The following CACNB2 variants were observed in gnomAD, a reference collection of about 807,000 sequenced individuals.
CACNB2 encodes calcium voltage-gated channel auxiliary subunit beta 2, also known as voltage-dependent L-type calcium channel subunit beta-2.
A neutral mutation model predicts 73.3 loss-of-function variants in CACNB2; 42 were observed. The observed-to-expected ratio is 0.57, with a 90% confidence interval of 0.45 to 0.74. The LOEUF (loss-of-function observed/expected upper bound fraction) is 0.74. CACNB2 is among the 30% of genes least tolerant of loss of function. The pLI is 0.00. For missense variants in CACNB2, 940 were observed against 853.0 expected (o/e 1.10, Z -1.27); for synonymous variants, 348 against 310.3 (o/e 1.12, Z -1.28).
Position 18,506,529 on chromosome 10 carries a change from T to A in CACNB2, c.652T>A (p.Ser218Thr), listed in dbSNP as rs774211226. Residue 218 changes from serine to threonine, a missense_variant, in exon 6 of 14, where the codon TCA (serine) becomes ACA (threonine). Coordinates refer to ENST00000324631, the MANE Select transcript of CACNB2 (RefSeq NM_201596.3). ...LGDIVPSSRK[S>T]TPPSSAIDID... is the part of the protein sequence containing the mutation. ...TGACATAGTACCTAGTTCCAGAAAA[T>A]CAACACCTCCATCATCTGGTAAGTA... The A allele has an allele frequency of 5.0e-6, 8 of 1,603,972 alleles. No individual in the cohort carries two copies. The South Asian group carries it at 8.8e-5, about 18-fold the overall frequency.
Position 18,307,983 on chromosome 10 carries a change from CTTTTTTT to C in CACNB2, c.214-93920_214-93914del, listed in dbSNP as rs869311555. On this transcript the variant is annotated intron_variant, in intron 2 of 13. Transcript: ENST00000324631. ...TTAAGTCTAAAATAATATATGCCAA[CTTTTTTT>C]TTTTTTTTTTTTTTTTTTTTGAGGT... is the stretch of plus-strand genomic sequence containing the variant. Among the ~76,000 whole-genome samples the C allele has an allele frequency of 1.3e-3, 93 of 70,246 alleles. 1 individual carries two copies. Among genetic ancestry groups the C allele is most frequent in the African/African-American group, 5.0e-3 (84 of 16,764 alleles). The allele number at this position is 70,246 out of a possible 152,430, so 46.1% of individuals were successfully genotyped here.
chr10:18,235,241 C>G (rs2036394510), intron 2 of CACNB2, among the ~76,000 whole-genome samples: 1 of 151,894 alleles, frequency 6.6e-6, no homozygotes, highest in Non-Finnish European at 1.5e-5. Flanking sequence ...TCGCTGGAGA[C>G]TGGGCATTCA....
chr10:18,464,418 T>TA (rs762982462), intron 3 of CACNB2, among the ~76,000 whole-genome samples: 1,072 of 85,322 alleles, frequency 0.013, 30 homozygotes, highest in Admixed American at 0.027. Context: ...TCTCAAAAAT[T>TA]AAAAAAAAAA....
intron 2 of CACNB2, among the ~76,000 whole-genome samples, chr10:18,311,742 A>T (rs528773541): frequency 1.4e-4 from 21 of 152,312 alleles, no homozygotes; most frequent in African/African-American, 4.8e-4. Flanking sequence ...GTGGCAGAAG[A>T]TGAAGGAAAT....
At chr10:18,260,011 A>T (rs957487012) in intron 2 of CACNB2, among the ~76,000 whole-genome samples, 1 of 152,212 alleles carries the variant, frequency 6.6e-6, no homozygotes, top group Admixed American at 6.5e-5. Context: ...GTGACATGAA[A>T]TCATTAACAT....
At chr10:18,326,900 T>A (rs2040608532) in intron 2 of CACNB2, among the ~76,000 whole-genome samples, 1 of 152,108 alleles carries the variant, frequency 6.6e-6, no homozygotes, top group Non-Finnish European at 1.5e-5. Flanking sequence ...CAATTTTTTG[T>A]ATTTTTGGTA....
intron 2 of CACNB2, among the ~76,000 whole-genome samples, chr10:18,348,359 GA>G (rs2041558404): frequency 6.6e-6 from 1 of 152,162 alleles, no homozygotes; most frequent in Non-Finnish European, 1.5e-5. Context: ...TCTTTAAAAT[GA>G]TTTAATTAAG....
chr10:18,236,085 C>G (rs908500330), intron 2 of CACNB2, among the ~76,000 whole-genome samples: 1 of 152,144 alleles, frequency 6.6e-6, no homozygotes, highest in African/African-American at 2.4e-5. Flanking sequence ...CCTGTGGAAC[C>G]GTGAGCCAAT....
rs1431300970 is a variant in CACNB2 at position 18,140,867 on chromosome 10, C to T, written c.120+11C>T. ...GGAGCCGCCGCACAGGTAGCGAGAG[C>T]GCGGCGCCTTCTCCTTCCTTTGTGA... On this transcript the variant is annotated intron_variant, in intron 1 of 13. Transcript: ENST00000324631. The T allele has an allele frequency of 1.9e-6, 3 of 1,590,642 alleles. No individual in the cohort carries two copies. The highest frequency in any genetic ancestry group is 1.7e-6 in the Non-Finnish European group (2 of 1,170,670).
intron 4 of CACNB2, 101 bp from the exon 5 acceptor site, chr10:18,500,711 T>C: frequency 8.4e-7 from 1 of 1,184,668 alleles, no homozygotes; most frequent in South Asian, 1.2e-5. Context: ...AAGGCATAGT[T>C]AATGGTCATT....
At chr10:18,192,255 G>A (rs538137316) in intron 2 of CACNB2, among the ~76,000 whole-genome samples, 1 of 119,678 alleles carries the variant, frequency 8.4e-6, no homozygotes, top group South Asian at 2.7e-4. Flanking sequence ...GGCCTGAGTG[G>A]CATCAGACTT....
intron 2 of CACNB2, among the ~76,000 whole-genome samples, chr10:18,303,377 C>T (rs943649300): frequency 2.0e-5 from 3 of 152,048 alleles, no homozygotes; most frequent in Non-Finnish European, 2.9e-5. Flanking sequence ...TGGTGGTGCA[C>T]GCCTTTGTTC....
intron 2 of CACNB2, among the ~76,000 whole-genome samples, chr10:18,153,738 T>C (rs1253279041): frequency 1.3e-5 from 2 of 150,124 alleles, no homozygotes; most frequent in East Asian, 1.9e-4. Context: ...CAAGCTACTA[T>C]GCCCAGCTGA....
chr10:18,243,001 C>A (rs1335364466), intron 2 of CACNB2, among the ~76,000 whole-genome samples: 2 of 96,876 alleles, frequency 2.1e-5, no homozygotes, highest in Non-Finnish European at 4.0e-5. Context: ...CAGAGCAAGA[C>A]TGTCTCAAAA....
In CACNB2 at chr10:18,320,883, A is replaced by T. The variant is rs1484566822; in HGVS notation, c.214-81041A>T. On this transcript the variant is annotated intron_variant, in intron 2 of 13. Coordinates refer to ENST00000324631, the MANE Select transcript of CACNB2 (RefSeq NM_201596.3). The stretch of plus-strand genomic sequence containing the variant: ...CAATAGTCATTTCATTACAAGTAGA[A>T]TAACCATATCCAAGAAACCAAGGAT... Among the ~76,000 whole-genome samples, 6 of 152,220 alleles carry T rather than the reference A, an allele frequency of 3.9e-5. No individual in the cohort carries two copies. In the East Asian group the frequency reaches 1.2e-3, roughly 29 times the overall value.
At chr10:18,467,444 T>C (rs1022083318) in intron 3 of CACNB2, among the ~76,000 whole-genome samples, 1 of 152,160 alleles carries the variant, frequency 6.6e-6, no homozygotes, top group African/African-American at 2.4e-5. Context: ...GGGAAAACAA[T>C]AGGAGGTGGT....
chr10:18,363,074 A>G (rs2042207692), intron 2 of CACNB2, among the ~76,000 whole-genome samples: 1 of 152,176 alleles, frequency 6.6e-6, no homozygotes, highest in Non-Finnish European at 1.5e-5. Context: ...CCTCTCTGTC[A>G]TAGTCACATG....
At chr10:18,508,680 C>T (rs1245854326) in intron 6 of CACNB2, among the ~76,000 whole-genome samples, 3 of 152,176 alleles carry the variant, frequency 2.0e-5, no homozygotes, top group Non-Finnish European at 2.9e-5. Flanking sequence ...AGTTACACTT[C>T]ACTAAACCCA....
chr10:18,226,088 G>A (rs1204300746), intron 2 of CACNB2, among the ~76,000 whole-genome samples: 2 of 151,112 alleles, frequency 1.3e-5, no homozygotes, highest in Admixed American at 6.6e-5. Flanking sequence ...GTGCTGTGGT[G>A]TGATCTAGGC....
Sources: allele counts gnomAD v4.1 joint callset (sites outside exome capture counted in the v4.1 genomes callset), GRCh38; gene constraint gnomAD v4.1.1; transcripts MANE v1.5; gene names NCBI Gene and HGNC (gene_info 2026-07-23, HGNC 2026-07-21).